Variants in KIF5A observed in about 807,000 individuals in gnomAD.
KIF5A encodes kinesin heavy chain isoform 5A.
Under a neutral mutation model 141.3 loss-of-function variants are expected in KIF5A, and 35 were observed. That is an observed-to-expected ratio of 0.25 (90% CI 0.19 to 0.33). The LOEUF (loss-of-function observed/expected upper bound fraction) is 0.33, where lower values mean the gene tolerates loss of function less well. Among genes scored for constraint, KIF5A ranks in the 10% least tolerant of loss-of-function variants. The probability of loss-of-function intolerance (pLI) is 1.00; values close to 1 mark genes in which losing one functional copy is unlikely to be tolerated. For missense variants in KIF5A, 861 were observed against 1,314.3 expected (o/e 0.66, Z 5.33); for synonymous variants, 448 against 500.2 (o/e 0.90, Z 1.39).
Position 57,569,680 on chromosome 12 carries a change from A to G in KIF5A, c.1114A>G (p.Asn372Asp). The stretch of plus-strand genomic sequence containing the variant: ...GGAGGCTGAGCTGAGCCGGTGGCGC[A>G]ATGGTTAGAGAGGGATAGGTGGGAG... Reference protein sequence around the residue: ...KLEAELSRWRNGENVPETERL... With the variant: ...KLEAELSRWRDGENVPETERL... The change falls in exon 11 of 29, where the codon AAT (asparagine) becomes GAT (aspartate). Residue 372 changes from asparagine to aspartate, a missense_variant. Transcript: ENST00000455537. 1.2e-6 allele frequency: 2 copies of G among 1,613,584 alleles called. No homozygotes were observed. The highest frequency in any genetic ancestry group is 1.7e-6 in the Non-Finnish European group (2 of 1,179,998).
At chr12:57,582,090 T>A (rs79875270) in intron 26 of KIF5A, 138 bp downstream of exon 26, 199 of 724,812 alleles carry the variant, frequency 2.7e-4, no homozygotes, top group South Asian at 1.8e-3. Context: ...AAAAAAAAAA[T>A]ACATATAGCC....
chr12:57,581,657 T>A, intron 25 of KIF5A, 89 bp downstream of exon 25: 1 of 1,487,088 alleles, frequency 6.7e-7, no homozygotes. Flanking sequence ...TGGTTGTGGC[T>A]TAATTATTTT....
At chr12:57,556,808 G>C (rs938725603) in intron 1 of KIF5A, among the ~76,000 whole-genome samples, 2 of 152,156 alleles carry the variant, frequency 1.3e-5, no homozygotes, top group African/African-American at 4.8e-5. Flanking sequence ...AGATGAGAAA[G>C]CCAGTCTCAT....
At chr12:57,564,050 T>C in intron 3 of KIF5A, 58 bp from the exon 4 acceptor site, 1 of 1,222,954 alleles carries the variant, frequency 8.2e-7, no homozygotes, top group South Asian at 1.2e-5. Flanking sequence ...TGCATACATC[T>C]GAGTTGTCTC....
At chr12:57,580,361 G>C (rs908025705) in intron 23 of KIF5A, among the ~76,000 whole-genome samples, 2 of 152,166 alleles carry the variant, frequency 1.3e-5, no homozygotes, top group Admixed American at 1.3e-4. Context: ...AAATGTTTGT[G>C]AGACCTCAAA....
chr12:57,564,176 C>T lies in KIF5A; in HGVS notation c.360C>T (p.Ile120=). 1 of 1,613,726 alleles carries T rather than the reference C, an allele frequency of 6.2e-7. No homozygotes were observed. The highest frequency in any genetic ancestry group is 8.5e-7 in the Non-Finnish European group (1 of 1,179,628). Residue 120 remains isoleucine, a synonymous_variant, in exon 4 of 29, where the codon ATC becomes ATT. Transcript: ENST00000455537. ...TTGCCCGAGACATCTTCAACCACATCTACTCCATGGATGAGAACCTTGAGT... is the reference window on the plus strand; with the variant it reads ...TTGCCCGAGACATCTTCAACCACATTTACTCCATGGATGAGAACCTTGAGT... The part of the protein sequence containing the change: ...PRIARDIFNH[I]YSMDENLEFH...
chr12:57,579,521 A>G (rs1334325768), intron 23 of KIF5A, among the ~76,000 whole-genome samples: 1 of 151,980 alleles, frequency 6.6e-6, no homozygotes, highest in East Asian at 1.9e-4. Context: ...TTCTTAATGA[A>G]TCCTAAACCT....
At chr12:57,551,357 G>T (rs775200087) in intron 1 of KIF5A, among the ~76,000 whole-genome samples, 4 of 152,154 alleles carry the variant, frequency 2.6e-5, no homozygotes, top group Non-Finnish European at 5.9e-5. Flanking sequence ...CTTTCTCAAG[G>T]TCATGCTATT....
chr12:57,564,496 G>T lies in KIF5A; in HGVS notation c.433G>T (p.Asp145Tyr). The change falls in exon 5 of 29, where the codon GAC becomes TAC. Residue 145 changes from aspartate (D) to tyrosine (Y), a missense_variant. Coordinates refer to ENST00000455537, the MANE Select transcript of KIF5A (RefSeq NM_004984.4). ...TGAAATTTACCTGGACAAAATTCGT[G>T]ACCTTCTGGATGGTGAGTGTTTTGT... ...YFEIYLDKIR[D>Y]LLDVTKTNLS... The T allele has an allele frequency of 6.2e-7, 1 of 1,612,174 alleles. No homozygotes were observed. The highest frequency in any genetic ancestry group is 1.1e-5 in the South Asian group (1 of 90,976).
At chr12:57,573,593 G>T (rs1882323230) in intron 15 of KIF5A, among the ~76,000 whole-genome samples, 1 of 152,050 alleles carries the variant, frequency 6.6e-6, no homozygotes, top group Non-Finnish European at 1.5e-5. Flanking sequence ...ACTTTGGGAG[G>T]ACGAGGCGGG....
chr12:57,550,519 T>G lies in KIF5A; in HGVS notation c.129+119T>G. The G allele has an allele frequency of 9.4e-7, 1 of 1,068,846 alleles. No homozygotes were observed. The highest frequency in any genetic ancestry group is 1.4e-6 in the Non-Finnish European group (1 of 736,454). The allele number at this position is 1,068,846 out of a possible 1,614,324, so 66.2% of individuals were successfully genotyped here. A position where few individuals can be genotyped will look rare whatever the true frequency, so the allele number is the denominator to read the frequency against. On this transcript the variant is annotated intron_variant, in intron 1 of 28. Transcript: ENST00000455537. This position sits in a 1 kb window ranked among gnomAD's most constrained non-coding sequence, Gnocchi z 4.6. ...CCCCCTCCCCGCCGCTCATCCTTCA[T>G]CCTCTTCCCCGCAGCCCCTCCTCTC...
chr12:57,576,252 G>A lies in KIF5A; in HGVS notation c.2089-17G>A. On this transcript the variant is annotated splice_polypyrimidine_tract_variant and intron_variant, in intron 18 of 28. Transcript: ENST00000455537. Reference sequence around the variant, plus strand: ...CTGGGAGTCTGGCCTTTGAGCTTGGGGTGGGGTTGTTTGCAGAAGGCTCTG... The same window carrying A: ...CTGGGAGTCTGGCCTTTGAGCTTGGAGTGGGGTTGTTTGCAGAAGGCTCTG... 6.2e-7 allele frequency: 1 copy of A among 1,613,552 alleles called. No individual in the cohort carries two copies. Among genetic ancestry groups the A allele is most frequent in the Non-Finnish European group, 8.5e-7 (1 of 1,179,482 alleles).
intron 1 of KIF5A, among the ~76,000 whole-genome samples, chr12:57,562,312 T>C (rs746658056): frequency 6.6e-5 from 10 of 152,096 alleles, no homozygotes; most frequent in Non-Finnish European, 1.3e-4. Flanking sequence ...GCCTCCTGGG[T>C]TCAAGCGATT....
At chr12:57,583,058 T>G (rs1882654019) in intron 27 of KIF5A, 43 bp from the exon 28 acceptor site, 1 of 1,509,608 alleles carries the variant, frequency 6.6e-7, no homozygotes, top group African/African-American at 1.4e-5. Flanking sequence ...ACAGGAATAC[T>G]TTAATTTCTA....
chr12:57,574,275 A>ATTT (rs34395550), intron 15 of KIF5A, among the ~76,000 whole-genome samples: 1 of 142,464 alleles, frequency 7.0e-6, no homozygotes, highest in African/African-American at 2.6e-5. Context: ...TCAGAATTGG[A>ATTT]TTTTTTTTTT....
rs762906034 is a variant in KIF5A at position 57,583,101 on chromosome 12, G to C, written c.3021G>C (p.Arg1007Ser). Residue 1007 changes from arginine (R) to serine (S), a missense_variant and splice_region_variant, in exon 28 of 29, where the codon AGG becomes AGC. This residue lies in a region of KIF5A where 482 missense variants were observed against 661.3 expected (regional missense o/e 0.73). Coordinates refer to ENST00000455537, the MANE Select transcript of KIF5A (RefSeq NM_004984.4). Reference sequence around the variant, plus strand: ...GATCATGGTGGGTCTCTTCCTCCAGGAGTGACCTGCCGTGTGGCTATGAGG... The same window carrying C: ...GATCATGGTGGGTCTCTTCCTCCAGCAGTGACCTGCCGTGTGGCTATGAGG... ...NGNATDINDN[R>S]SDLPCGYEAE... 5.0e-6 allele frequency: 8 copies of C among 1,612,978 alleles called. No individual in the cohort carries two copies. The highest frequency in any genetic ancestry group is 5.1e-6 in the Non-Finnish European group (6 of 1,179,132).
At chr12:57,584,149 C>T (rs1882688330) in intron 28 of KIF5A, 69 bp from the exon 29 acceptor site, 1 of 152,490 alleles carries the variant, frequency 6.6e-6, no homozygotes, top group African/African-American at 2.4e-5. Context: ...TGTGCAGATG[C>T]CACCTGTTCC....
At chr12:57,571,277 G>A (rs1281548023) in intron 12 of KIF5A, 44 bp from the exon 13 acceptor site, 3 of 1,175,502 alleles carry the variant, frequency 2.6e-6, no homozygotes, top group South Asian at 1.2e-5. Context: ...TAAACTGGAA[G>A]GAGTAGCTTC....
intron 1 of KIF5A, among the ~76,000 whole-genome samples, chr12:57,558,661 A>G (rs926552943): frequency 4.6e-5 from 7 of 152,378 alleles, no homozygotes; most frequent in African/African-American, 1.7e-4. Flanking sequence ...GCGACAGAGC[A>G]AGACTCTTGT....
Sources: gnomAD v4.1 joint callset for allele counts (sites outside exome capture counted in the v4.1 genomes callset) on GRCh38, gnomAD v4.1.1 for gene constraint, gnomAD v4.1.1 regional missense constraint, Gnocchi (gnomAD v3.1) non-coding constraint, MANE v1.5 for transcripts, NCBI Gene and HGNC (gene_info 2026-07-23, HGNC 2026-07-21) for gene names.